The following TSN variants were observed in gnomAD, a reference collection of about 807,000 sequenced individuals.
The protein encoded by TSN is component 3 of promoter of RISC.
A neutral mutation model predicts 29.4 loss-of-function variants in TSN; 5 were observed. The ratio of observed to expected loss-of-function variants is 0.17; its 90% CI spans 0.09 to 0.36. The LOEUF (loss-of-function observed/expected upper bound fraction) is 0.36. TSN is among the 10% of genes least tolerant of loss of function. The pLI is 1.00. For missense variants in TSN, 159 were observed against 272.8 expected (o/e 0.58, Z 2.94); for synonymous variants, 106 against 102.2 (o/e 1.04, Z -0.23).
chr2:121,758,645 T>C, intron 2 of TSN, 65 bp from the exon 3 acceptor site: 7 of 1,200,554 alleles, frequency 5.8e-6, no homozygotes, highest in Non-Finnish European at 8.0e-6. Context: ...ATTACTTAGA[T>C]TATTAAGCAA....
chr2:121,763,132 TG>T, intron 5 of TSN, 48 bp downstream of exon 5: 1 of 1,104,484 alleles, frequency 9.1e-7, no homozygotes, highest in Non-Finnish European at 1.3e-6. Context: ...TCTGCTTCAC[TG>T]TCAGTTTTTT....
chr2:121,763,102 C>G lies in TSN; in HGVS notation c.453+18C>G. 1.4e-6 allele frequency: 2 copies of G among 1,429,706 alleles called. No homozygotes were observed. The highest frequency in any genetic ancestry group is 2.5e-5 in the East Asian group (1 of 40,290). 88.6% of individuals were successfully genotyped at this position (1,429,706 alleles called of 1,614,324 possible). A position where few individuals can be genotyped will look rare whatever the true frequency, so the allele number is the denominator to read the frequency against. ...GTGAACTGGTAAGCTCAGTAACTTG[C>G]TGGTTGCTTTTTTGATCTTTCTGCT... On this transcript the variant is annotated intron_variant, in intron 5 of 5. Transcript: ENST00000389682.
intron 3 of TSN, 62 bp from the exon 4 acceptor site, chr2:121,761,347 A>G: frequency 3.3e-6 from 4 of 1,200,396 alleles, no homozygotes; most frequent in Non-Finnish European, 5.0e-6. Flanking sequence ...ACATGGCTGT[A>G]TTAAACCCAT....
intron 5 of TSN, among the ~76,000 whole-genome samples, chr2:121,763,786 GA>G (rs957301767): frequency 2.7e-5 from 4 of 150,942 alleles, no homozygotes; most frequent in African/African-American, 7.3e-5. Context: ...AAAGTCTAAA[GA>G]AAAAAAAAGC....
chr2:121,767,298 G>A lies in TSN; in HGVS notation c.*1931G>A, dbSNP rs974244352. The A allele has an allele frequency of 6.6e-6, 1 of 152,090 alleles. No individual in the cohort carries two copies. Among genetic ancestry groups the A allele is most frequent in the Non-Finnish European group, 1.5e-5 (1 of 68,026 alleles). 9.4% of individuals were successfully genotyped at this position (152,090 alleles called of 1,614,324 possible). A position where few individuals can be genotyped will look rare whatever the true frequency, so the allele number is the denominator to read the frequency against. ...ATTTTTTTGGTCTTTTTGTAAGTGA[G>A]TGTGCTGCTGTAAGAAATCTCCCAT... On this transcript the variant is annotated 3_prime_UTR_variant, in exon 6 of 6. Coordinates refer to ENST00000389682, the MANE Select transcript of TSN (RefSeq NM_004622.3).
chr2:121,756,710 GC>G, intron 1 of TSN: 2 of 1,012,490 alleles, frequency 2.0e-6, no homozygotes, highest in Non-Finnish European at 2.7e-6. Flanking sequence ...TTTGAGACCA[GC>G]CTGGCCAACA....
In TSN at chr2:121,765,511, A is replaced by G; in HGVS notation, c.*144A>G. 1 of 761,334 alleles carries G rather than the reference A, an allele frequency of 1.3e-6. No individual in the cohort carries two copies. The highest frequency in any genetic ancestry group is 2.1e-6 in the Non-Finnish European group (1 of 478,286). 47.2% of individuals were successfully genotyped at this position (761,334 alleles called of 1,614,324 possible). A position where few individuals can be genotyped will look rare whatever the true frequency, so the allele number is the denominator to read the frequency against. On this transcript the variant is annotated 3_prime_UTR_variant, in exon 6 of 6. Coordinates refer to ENST00000389682, the MANE Select transcript of TSN (RefSeq NM_004622.3). ...AACCAGTTGTGGTGTGAGTATCAGA[A>G]TTGAAACACTTTTTTGGGGGTAAAA...
chr2:121,759,252 T>C (rs1259580552), intron 3 of TSN, among the ~76,000 whole-genome samples: 1 of 152,166 alleles, frequency 6.6e-6, no homozygotes. Flanking sequence ...ATCAACACTG[T>C]TGATTTTAAG....
chr2:121,764,827 G>A (rs970380923), intron 5 of TSN, among the ~76,000 whole-genome samples: 1 of 152,164 alleles, frequency 6.6e-6, no homozygotes, highest in Non-Finnish European at 1.5e-5. Context: ...TTCTTTCTTC[G>A]ATATGATAGC....
At chr2:121,756,041 G>GTCTCAGCT (rs1470670124) in intron 1 of TSN, 196 bp downstream of exon 1, 1 of 1,182,170 alleles carries the variant, frequency 8.5e-7, no homozygotes, top group Non-Finnish European at 1.1e-6. Context: ...CCGTGTTCGA[G>GTCTCAGCT]TCTCAGCTTC....
intron 5 of TSN, among the ~76,000 whole-genome samples, chr2:121,764,085 TTG>T (rs893140847): frequency 6.6e-6 from 1 of 152,182 alleles, no homozygotes; most frequent in African/African-American, 2.4e-5. Context: ...TTCTTTGAAG[TTG>T]TACACACAAC....
chr2:121,759,296 A>C (rs2074789148), intron 3 of TSN, among the ~76,000 whole-genome samples: 1 of 152,152 alleles, frequency 6.6e-6, no homozygotes, highest in South Asian at 2.1e-4. Context: ...GTAGGGAAGG[A>C]AAATTTTGCC....
At position 121,766,817 on chromosome 2, in the gene TSN, C is replaced by T. The variant is rs934276663; in HGVS notation, c.*1450C>T. The T allele has an allele frequency of 6.6e-6, 1 of 152,204 alleles. No individual in the cohort carries two copies. Among genetic ancestry groups the T allele is most frequent in the African/African-American group, 2.4e-5 (1 of 41,444 alleles). 9.4% of individuals were successfully genotyped at this position (152,204 alleles called of 1,614,324 possible). A position where few individuals can be genotyped will look rare whatever the true frequency, so the allele number is the denominator to read the frequency against. Reference sequence around the variant, plus strand: ...TTTGTACAAGGGGCCATTTGGCATACCTTTCACAGCTTTTATCAGGCCAAG... The same window carrying T: ...TTTGTACAAGGGGCCATTTGGCATATCTTTCACAGCTTTTATCAGGCCAAG... On this transcript the variant is annotated 3_prime_UTR_variant, in exon 6 of 6. Coordinates refer to ENST00000389682, the MANE Select transcript of TSN (RefSeq NM_004622.3).
At position 121,763,015 on chromosome 2, in the gene TSN, T is replaced by C; in HGVS notation, c.384T>C (p.Asp128=). The change falls in exon 5 of 6, where the codon GAT becomes GAC. Residue 128 remains aspartate, a synonymous_variant. Transcript: ENST00000389682. ...TCATGTGTTTTTTAGTTGAGCCAGA[T>C]CGGGAGAAAGGATTTCATCTGGATG... ...AVTEILGIEP[D]REKGFHLDVE... 1.9e-6 allele frequency: 3 copies of C among 1,608,022 alleles called. No homozygotes were observed. Among genetic ancestry groups the C allele is most frequent in the Non-Finnish European group, 1.7e-6 (2 of 1,178,342 alleles).
chr2:121,766,996 A>G lies in TSN; in HGVS notation c.*1629A>G, dbSNP rs968274512. 2.0e-5 allele frequency: 3 copies of G among 152,248 alleles called. No individual in the cohort carries two copies. The highest frequency in any genetic ancestry group is 6.5e-5 in the Admixed American group (1 of 15,286). The allele number at this position is 152,248 out of a possible 1,614,324, so 9.4% of individuals were successfully genotyped here. On this transcript the variant is annotated 3_prime_UTR_variant, in exon 6 of 6. Transcript: ENST00000389682. Reference sequence around the variant, plus strand: ...CCCATGATGGTCACTTAAAATGTGCAGTAATAGCACTGCCAGGATCAAGCA... The same window carrying G: ...CCCATGATGGTCACTTAAAATGTGCGGTAATAGCACTGCCAGGATCAAGCA...
At position 121,766,968 on chromosome 2, in the gene TSN, G is replaced by A. The variant is rs1214552248; in HGVS notation, c.*1601G>A. On this transcript the variant is annotated 3_prime_UTR_variant, in exon 6 of 6. Coordinates refer to ENST00000389682, the MANE Select transcript of TSN (RefSeq NM_004622.3). ...TTTTTGTGAAGTTAGGTTCTTAAAA[G>A]TGCCCATGATGGTCACTTAAAATGT... The A allele has an allele frequency of 6.6e-6, 1 of 152,214 alleles. No individual in the cohort carries two copies. The highest frequency in any genetic ancestry group is 6.5e-5 in the Admixed American group (1 of 15,284). 9.4% of individuals were successfully genotyped at this position (152,214 alleles called of 1,614,324 possible). A position where few individuals can be genotyped will look rare whatever the true frequency, so the allele number is the denominator to read the frequency against.
chr2:121,758,897 A>G, intron 3 of TSN, 91 bp downstream of exon 3: 1 of 817,810 alleles, frequency 1.2e-6, no homozygotes, highest in African/African-American at 1.8e-5. Context: ...AACTAGGCAA[A>G]CATCCTGTGT....
At chr2:121,758,215 C>G (rs188727036) in intron 2 of TSN, among the ~76,000 whole-genome samples, 11 of 152,238 alleles carry the variant, frequency 7.2e-5, no homozygotes, top group Admixed American at 3.9e-4. Flanking sequence ...AAGGTATTGC[C>G]AGCACAGCTA....
At position 121,767,435 on chromosome 2, in the gene TSN, A is replaced by G. The variant is rs1338559021; in HGVS notation, c.*2068A>G. The G allele has an allele frequency of 3.3e-5, 5 of 152,172 alleles. No individual in the cohort carries two copies. Among genetic ancestry groups the G allele is most frequent in the African/African-American group, 9.6e-5 (4 of 41,452 alleles). The allele number at this position is 152,172 out of a possible 1,614,324, so 9.4% of individuals were successfully genotyped here. ...AAAGACACCAGCCACTCAGAGTTCT[A>G]TACTGTAAAGCGCAGATAACATTTG... On this transcript the variant is annotated 3_prime_UTR_variant, in exon 6 of 6. Coordinates refer to ENST00000389682, the MANE Select transcript of TSN (RefSeq NM_004622.3).
Sources: allele counts gnomAD v4.1 joint callset (sites outside exome capture counted in the v4.1 genomes callset), GRCh38; gene constraint gnomAD v4.1.1; transcripts MANE v1.5; gene names NCBI Gene and HGNC (gene_info 2026-07-23, HGNC 2026-07-21).